The following BAZ1A variants were observed in gnomAD, a reference collection of about 807,000 sequenced individuals.
The protein encoded by BAZ1A is bromodomain adjacent to zinc finger domain 1A.
Under a neutral mutation model 185.2 loss-of-function variants are expected in BAZ1A, and 50 were observed. The observed-to-expected ratio is 0.27, with a 90% CI of 0.22 to 0.34. The LOEUF (loss-of-function observed/expected upper bound fraction) is 0.34. Ranked by LOEUF, BAZ1A falls within the 10% of genes least tolerant of loss-of-function variation. The probability of loss-of-function intolerance (pLI) is 1.00; values close to 1 mark genes in which losing one functional copy is unlikely to be tolerated. For synonymous variants in BAZ1A, 571 were observed against 615.6 expected, an observed-to-expected ratio of 0.93 and a Z score of 1.07; for missense variants, 1,356 against 1,839.9, an observed-to-expected ratio of 0.74 and a Z score of 4.81.
At chr14:34,840,713 C>T (rs546711109) in intron 3 of BAZ1A, among the ~76,000 whole-genome samples, 3 of 152,064 alleles carry the variant, frequency 2.0e-5, no homozygotes, top group East Asian at 3.9e-4. Context: ...GCCAAAGTTG[C>T]ACCACTGCAC....
At chr14:34,868,898 ATGTGTGTG>A (rs3062620) in intron 2 of BAZ1A, among the ~76,000 whole-genome samples, 26 of 96,124 alleles carry the variant, frequency 2.7e-4, no homozygotes, top group South Asian at 3.5e-4. Flanking sequence ...GTAAGTATGT[ATGTGTGTG>A]TGTGTGTGTG....
At chr14:34,816,991 T>C (rs2138691418) in intron 4 of BAZ1A, 1 of 195,518 alleles carries the variant, frequency 5.1e-6, no homozygotes, top group Middle Eastern at 2.2e-3. Flanking sequence ...ACTGGGCCAA[T>C]TCTTGAACGG....
chr14:34,763,611 A>T (rs1878588979), intron 23 of BAZ1A, among the ~76,000 whole-genome samples: 1 of 152,114 alleles, frequency 6.6e-6, no homozygotes, highest in South Asian at 2.1e-4. Context: ...TGCTACAATT[A>T]TAATTTTTTT....
chr14:34,806,134 C>T (rs1177779577), intron 6 of BAZ1A, among the ~76,000 whole-genome samples: 1 of 151,918 alleles, frequency 6.6e-6, no homozygotes, highest in Admixed American at 6.6e-5. Flanking sequence ...ATTTATCAGT[C>T]TTGCCTCTAG....
At position 34,800,357 on chromosome 14, in the gene BAZ1A, G is replaced by C; in HGVS notation, c.995C>G (p.Ala332Gly). The C allele has an allele frequency of 1.3e-6, 2 of 1,536,678 alleles. No individual in the cohort carries two copies. The highest frequency in any genetic ancestry group is 2.5e-5 in the South Asian group (2 of 78,776). ...FEKAKLKREK[A>G]DALEAKKKEK... Reference sequence around the variant, plus strand: ...TTTTTTCTTCGCTTCTAGGGCATCTGCTTTTTCTCTTTTTAATTTAGCCTT... The same window carrying C: ...TTTTTTCTTCGCTTCTAGGGCATCTCCTTTTTCTCTTTTTAATTTAGCCTT... The change falls in exon 9 of 27, where the codon GCA becomes GGA. Residue 332 changes from alanine (A) to glycine (G), a missense_variant. Coordinates refer to ENST00000360310, the MANE Select transcript of BAZ1A (RefSeq NM_013448.3).
At position 34,861,698 on chromosome 14, in the gene BAZ1A, A is replaced by T. The variant is rs532532195; in HGVS notation, c.392+346T>A. Among the ~76,000 whole-genome samples the T allele has an allele frequency of 1.8e-4, 27 of 152,366 alleles. No homozygotes were observed. In the South Asian group the frequency reaches 5.2e-3, roughly 29 times the overall value. On this transcript the variant is annotated intron_variant, in intron 3 of 26. Coordinates refer to ENST00000360310, the MANE Select transcript of BAZ1A (RefSeq NM_013448.3). ...AAATTAAAGAGAAGGAAGGTGGCTT[A>T]TGTAACAAAGGACTAACCTTCAAGA...
intron 2 of BAZ1A, among the ~76,000 whole-genome samples, chr14:34,869,107 T>C (rs952018882): frequency 5.3e-5 from 8 of 151,844 alleles, no homozygotes; most frequent in Admixed American, 1.3e-4. Flanking sequence ...CTCGGGAGGC[T>C]GAGGCAGGAG....
At chr14:34,766,409 G>C (rs1392920095) in intron 21 of BAZ1A, among the ~76,000 whole-genome samples, 2 of 152,108 alleles carry the variant, frequency 1.3e-5, no homozygotes, top group Non-Finnish European at 2.9e-5. Context: ...GCAGAGACCT[G>C]TCAAGTACCA....
chr14:34,848,583 C>G (rs184446058), intron 3 of BAZ1A, among the ~76,000 whole-genome samples: 2 of 152,204 alleles, frequency 1.3e-5, no homozygotes, highest in Non-Finnish European at 2.9e-5. Flanking sequence ...GGCGACAGAG[C>G]GGGACTCTGT....
intron 20 of BAZ1A, among the ~76,000 whole-genome samples, chr14:34,772,216 A>C (rs1879272387): frequency 6.6e-6 from 1 of 152,204 alleles, no homozygotes; most frequent in African/African-American, 2.4e-5. Flanking sequence ...AGCCTCCCAA[A>C]GTGCTGGGAT....
chr14:34,782,379 C>A (rs1026200088), intron 16 of BAZ1A, among the ~76,000 whole-genome samples: 4 of 152,150 alleles, frequency 2.6e-5, no homozygotes, highest in Non-Finnish European at 5.9e-5. Flanking sequence ...AATGTCTATT[C>A]AAATCCATTG....
At chr14:34,788,462 C>G (rs571622543) in intron 12 of BAZ1A, among the ~76,000 whole-genome samples, 1 of 152,244 alleles carries the variant, frequency 6.6e-6, no homozygotes, top group South Asian at 2.1e-4. Context: ...TGCCACCATG[C>G]CCACCTAGTT....
At chr14:34,862,622 A>G (rs1208461) in intron 2 of BAZ1A, among the ~76,000 whole-genome samples, 109,116 of 151,910 alleles carry the variant, frequency 0.72, 39,655 homozygotes, top group Non-Finnish European at 0.78. Context: ...GCTAACAAGA[A>G]AAAAGCTAAA....
chr14:34,788,695 T>G (rs1401981199), intron 12 of BAZ1A, among the ~76,000 whole-genome samples: 1 of 152,062 alleles, frequency 6.6e-6, no homozygotes, highest in African/African-American at 2.4e-5. Flanking sequence ...ATAAAAGAGA[T>G]AAAAGATGCT....
At chr14:34,811,084 T>C in intron 4 of BAZ1A, 48 bp from the exon 5 acceptor site, 2 of 1,310,818 alleles carry the variant, frequency 1.5e-6, no homozygotes, top group African/African-American at 1.5e-5. Context: ...ATTTGGAAAA[T>C]GAAATTTTAA....
intron 21 of BAZ1A, among the ~76,000 whole-genome samples, chr14:34,766,468 G>A (rs996885233): frequency 6.6e-6 from 1 of 151,978 alleles, no homozygotes; most frequent in African/African-American, 2.4e-5. Flanking sequence ...AGATTGACAG[G>A]ACATGAAACC....
At position 34,754,874 on chromosome 14, in the gene BAZ1A, A is replaced by G; in HGVS notation, c.4427T>C (p.Leu1476Ser). The G allele has an allele frequency of 6.2e-7, 1 of 1,605,054 alleles. No individual in the cohort carries two copies. Among genetic ancestry groups the G allele is most frequent in the Non-Finnish European group, 8.5e-7 (1 of 1,175,430 alleles). The change falls in exon 26 of 27, where the codon TTA becomes TCA. Residue 1476 changes from leucine to serine, a missense_variant. Around this residue, in one of 7 missense-constraint regions of BAZ1A, gnomAD observed 61 missense variants for 117.9 expected, o/e 0.52. Coordinates refer to ENST00000360310, the MANE Select transcript of BAZ1A (RefSeq NM_013448.3). ...YYDIIKKPIALNIIREKVNKC... is the reference protein window; with the variant it reads ...YYDIIKKPIASNIIREKVNKC... ...ATTCACTTTTTCACGAATTATATTT[A>G]AGGCAATGGGCTTTTTGATGATGTC...
chr14:34,801,375 T>A (rs1209603031), intron 7 of BAZ1A, among the ~76,000 whole-genome samples, 182 bp from the exon 8 acceptor site: 1 of 152,156 alleles, frequency 6.6e-6, no homozygotes, highest in Admixed American at 6.6e-5. Context: ...CACTGCAACC[T>A]CTGCCTCCTG....
rs1886555989 is a variant in BAZ1A, at chr14:34,762,237, T to C, written c.3777-14A>G. 3.1e-6 allele frequency: 5 copies of C among 1,607,136 alleles called. No homozygotes were observed. In the East Asian group the frequency reaches 1.1e-4, roughly 36 times the overall value. The stretch of plus-strand genomic sequence containing the variant: ...CGTTTGGGTAGGCTATAAATATTGT[T>C]AGAAAACACAATTATTGTACAGAGC... On this transcript the variant is annotated splice_polypyrimidine_tract_variant and intron_variant, in intron 23 of 26. Coordinates refer to ENST00000360310, the MANE Select transcript of BAZ1A (RefSeq NM_013448.3).
Sources: gnomAD v4.1 joint callset for allele counts (sites outside exome capture counted in the v4.1 genomes callset) on GRCh38, gnomAD v4.1.1 for gene constraint, gnomAD v4.1.1 regional missense constraint, MANE v1.5 for transcripts, NCBI Gene and HGNC (gene_info 2026-07-23, HGNC 2026-07-21) for gene names.